PCDH11X: variants seen among roughly 807,000 people sequenced by gnomAD.
PCDH11X encodes the protein protocadherin-11 X-linked.
PCDH11X carries 18 observed loss-of-function variants against 53.3 expected under a neutral mutation model. The ratio of observed to expected loss-of-function variants is 0.34; its 90% CI spans 0.23 to 0.50. The LOEUF is 0.50. Ranked by LOEUF, PCDH11X falls within the 20% of genes least tolerant of loss-of-function variation. PCDH11X has a pLI of 0.98. For synonymous variants in PCDH11X, 279 were observed against 393.3 expected (o/e 0.71, Z 3.44); for missense variants, 570 against 1,032.4 (o/e 0.55, Z 6.14).
intron 8 of PCDH11X, among the ~76,000 whole-genome samples, chrX:92,277,928 C>T (rs2068144548): frequency 9.0e-6 from 1 of 111,538 alleles, no homozygotes; most frequent in Admixed American, 9.5e-5. Flanking sequence ...GGGTGAAGGA[C>T]CAAGGCAGGC....
At chrX:92,147,881 T>TTTTTCTTTCTCTTTCC (rs1456586698) in intron 6 of PCDH11X, among the ~76,000 whole-genome samples, 3 of 95,058 alleles carry the variant, frequency 3.2e-5, no homozygotes, top group Non-Finnish European at 4.2e-5. Context: ...CCTTTCTTTC[T>TTTTTCTTTCTCTTTCC]TTTTCTTTCT....
At chrX:92,125,629 TTTTG>T (rs761311498) in intron 6 of PCDH11X, among the ~76,000 whole-genome samples, 75 of 111,619 alleles carry the variant, frequency 6.7e-4, no homozygotes, top group Middle Eastern at 4.6e-3. Flanking sequence ...GCTAGTCTTT[TTTTG>T]TTTGTTTGTT....
chrX:91,942,331 G>C (rs1289488535), intron 6 of PCDH11X, among the ~76,000 whole-genome samples: 1 of 110,811 alleles, frequency 9.0e-6, no homozygotes, highest in Non-Finnish European at 1.9e-5. Flanking sequence ...CCAGACATAA[G>C]AAGAGGAGAT....
At chrX:92,045,716 G>T (rs1285802295) in intron 6 of PCDH11X, among the ~76,000 whole-genome samples, 5 of 106,066 alleles carry the variant, frequency 4.7e-5, no homozygotes, top group African/African-American at 1.7e-4. Flanking sequence ...AAGGCGAGTG[G>T]ATCATCTGAG....
intron 5 of PCDH11X, among the ~76,000 whole-genome samples, chrX:91,859,717 C>T (rs376077747): frequency 1.0e-5 from 1 of 100,043 alleles, no homozygotes; most frequent in Admixed American, 1.0e-4. Flanking sequence ...AAAAAGGAAC[C>T]CTTTCCCCAT....
chrX:92,551,285 G>A (rs1292995612), intron 10 of PCDH11X, among the ~76,000 whole-genome samples: 2 of 111,208 alleles, frequency 1.8e-5, no homozygotes, highest in African/African-American at 6.5e-5. Context: ...CAATTTAACT[G>A]GGTTGAGAGG....
chrX:92,352,860 G>C (rs2070090109), intron 8 of PCDH11X, among the ~76,000 whole-genome samples: 1 of 110,623 alleles, frequency 9.0e-6, no homozygotes, highest in South Asian at 3.9e-4. Context: ...ACAGTGTTTT[G>C]GTTGTCTCCC....
At chrX:91,897,005 A>G (rs1465252237) in intron 6 of PCDH11X, among the ~76,000 whole-genome samples, 1 of 100,461 alleles carries the variant, frequency 1.0e-5, no homozygotes, top group East Asian at 3.0e-4. Context: ...GTATATGATT[A>G]TTTTTATTAG....
At chrX:92,195,698 C>T (rs1411207118) in intron 6 of PCDH11X, among the ~76,000 whole-genome samples, 1 of 111,739 alleles carries the variant, frequency 8.9e-6, no homozygotes, top group Non-Finnish European at 1.9e-5. Flanking sequence ...GGGGTTGAGT[C>T]ATTTCTAAAC....
intron 6 of PCDH11X, among the ~76,000 whole-genome samples, chrX:92,148,679 T>C (rs2065374330): frequency 9.1e-6 from 1 of 109,658 alleles, no homozygotes; most frequent in Non-Finnish European, 1.9e-5. Context: ...ACTTAACTTT[T>C]TTTTTCTTTA....
rs1928254909 is a variant in PCDH11X, at chrX:92,618,625, C to T, written c.3729C>T (p.Leu1243=). The change falls in exon 11 of 11, where the codon CTC becomes CTT. Residue 1243 remains leucine (L), a synonymous_variant. Transcript: ENST00000682573. ...HSPPSAQASA[L]CYSPPLAQAA... is the part of the protein sequence containing the mutation. Reference sequence around the variant, plus strand: ...CACCATCAGCACAGGCCTCAGCCCTCTGCTACAGCCCTCCTTTAGCACAGG... The same window carrying T: ...CACCATCAGCACAGGCCTCAGCCCTTTGCTACAGCCCTCCTTTAGCACAGG... 1 of 1,210,543 alleles carries T rather than the reference C, an allele frequency of 8.3e-7. No individual in the cohort carries two copies. The highest frequency in any genetic ancestry group is 1.8e-5 in the South Asian group (1 of 56,849).
intron 6 of PCDH11X, among the ~76,000 whole-genome samples, chrX:91,995,170 A>G (rs964565873): frequency 8.5e-4 from 92 of 108,115 alleles, no homozygotes; most frequent in Middle Eastern, 4.7e-3. Flanking sequence ...ATGTAGTTCC[A>G]ATTGTTTATC....
chrX:92,399,898 C>T (rs1351184001), intron 9 of PCDH11X, among the ~76,000 whole-genome samples: 1 of 82,836 alleles, frequency 1.2e-5, no homozygotes, highest in African/African-American at 4.4e-5. Context: ...CTGGCCACCA[C>T]GCCCGGCTAA....
At chrX:92,529,872 G>C (rs2074523342) in intron 10 of PCDH11X, among the ~76,000 whole-genome samples, 1 of 104,602 alleles carries the variant, frequency 9.6e-6, no homozygotes, top group South Asian at 4.5e-4. Context: ...TTCTTTTCTA[G>C]GTTTGGTAGA....
chrX:92,280,356 C>G (rs948561961), intron 8 of PCDH11X, among the ~76,000 whole-genome samples: 1 of 110,020 alleles, frequency 9.1e-6, no homozygotes, highest in Non-Finnish European at 1.9e-5. Flanking sequence ...TGAGACCAGC[C>G]TGACCAACAT....
chrX:92,363,786 C>T (rs1245556827), intron 8 of PCDH11X, among the ~76,000 whole-genome samples: 3 of 111,046 alleles, frequency 2.7e-5, no homozygotes, highest in Admixed American at 9.6e-5. Context: ...ATATTAGCTG[C>T]AGGCTTTTCA....
chrX:92,105,425 C>G (rs915217879), intron 6 of PCDH11X, among the ~76,000 whole-genome samples: 6 of 110,215 alleles, frequency 5.4e-5, no homozygotes, highest in African/African-American at 2.0e-4. Context: ...ATCTGAGTCA[C>G]GGCACCAAAT....
chrX:92,313,116 CAG>C (rs1235127869), intron 8 of PCDH11X, among the ~76,000 whole-genome samples: 1 of 111,656 alleles, frequency 9.0e-6, no homozygotes, highest in Non-Finnish European at 1.9e-5. Context: ...AAAGCAGTCT[CAG>C]TGACAATAGT....
At chrX:92,069,780 C>G (rs1348974954) in intron 6 of PCDH11X, among the ~76,000 whole-genome samples, 2 of 111,606 alleles carry the variant, frequency 1.8e-5, no homozygotes, top group Non-Finnish European at 3.8e-5. Context: ...CTCCTGGGTT[C>G]AAGTGATTAT....
Sources: allele counts gnomAD v4.1 joint callset (sites outside exome capture counted in the v4.1 genomes callset), GRCh38; gene constraint gnomAD v4.1.1; transcripts MANE v1.5; gene names NCBI Gene and HGNC (gene_info 2026-07-23, HGNC 2026-07-21).